The following DYM variants were observed in gnomAD, a reference collection of about 807,000 sequenced individuals.
DYM encodes the protein dymeclin, also known as dyggve-Melchior-Clausen syndrome protein.
In DYM, 78 loss-of-function variants were observed where a neutral mutation model predicts 93.1. The ratio of observed to expected loss-of-function variants is 0.84; its 90% confidence interval spans 0.70 to 1.01. The LOEUF is 1.01. Among genes scored for constraint, DYM ranks in the 50% least tolerant of loss-of-function variants. The pLI, the probability that DYM is intolerant of heterozygous loss-of-function variation, is 0.00. For synonymous variants in DYM, 321 were observed against 319.7 expected (o/e 1.00, Z -0.04); for missense variants, 789 against 845.0 (o/e 0.93, Z 0.82).
chr18:49,434,983 G>A (rs1294153252), intron 1 of DYM, among the ~76,000 whole-genome samples: 7 of 151,966 alleles, frequency 4.6e-5, no homozygotes, highest in African/African-American at 9.7e-5. Context: ...CAAGGCAGGC[G>A]GATCACTTGA....
At chr18:49,183,288 T>C (rs1182525510) in intron 14 of DYM, among the ~76,000 whole-genome samples, 1 of 152,208 alleles carries the variant, frequency 6.6e-6, no homozygotes, top group Non-Finnish European at 1.5e-5. Context: ...TTATCCTTCA[T>C]TGTGAAAATC....
chr18:49,338,314 C>CT (rs2063822593), intron 6 of DYM, among the ~76,000 whole-genome samples: 1 of 152,240 alleles, frequency 6.6e-6, no homozygotes, highest in East Asian at 1.9e-4. Context: ...ATGATCTGAA[C>CT]AGAATGACAA....
chr18:49,150,679 G>T (rs549682177), intron 15 of DYM, among the ~76,000 whole-genome samples: 2 of 152,308 alleles, frequency 1.3e-5, no homozygotes, highest in South Asian at 4.2e-4. Flanking sequence ...CCCTACAGAA[G>T]ATGGATCATT....
At chr18:49,077,099 C>G (rs941610169) in intron 17 of DYM, among the ~76,000 whole-genome samples, 1 of 152,136 alleles carries the variant, frequency 6.6e-6, no homozygotes, top group Non-Finnish European at 1.5e-5. Flanking sequence ...AATGACCAAA[C>G]TGACTGTTCC....
At chr18:49,314,694 G>A (rs904745395) in intron 8 of DYM, among the ~76,000 whole-genome samples, 3 of 151,926 alleles carry the variant, frequency 2.0e-5, no homozygotes, top group Non-Finnish European at 4.4e-5. Context: ...ATTCATTTTC[G>A]CTTTATGCAA....
rs186303310 is a variant in DYM at position 49,170,876 on chromosome 18, T to G, written c.1626-7089A>C. ...CAGAAAGGGTCACTTAAATAAGAAG[T>G]AGGAGAAGAACTAGGAAAGAAAGAC... On this transcript the variant is annotated intron_variant, in intron 14 of 17. Transcript: ENST00000675505. Among the ~76,000 whole-genome samples, 56 of 136,632 alleles carry G rather than the reference T, an allele frequency of 4.1e-4. No individual in the cohort carries two copies. The South Asian group carries it at 5.8e-3, about 14-fold the overall frequency. The allele number at this position is 136,632 out of a possible 152,430, so 89.6% of individuals were successfully genotyped here.
At chr18:49,090,716 T>C (rs2065226871) in intron 17 of DYM, among the ~76,000 whole-genome samples, 1 of 152,142 alleles carries the variant, frequency 6.6e-6, no homozygotes, top group Non-Finnish European at 1.5e-5. Flanking sequence ...TGAGAAAGGT[T>C]CAGAAATAGG....
chr18:49,244,699 CAGAAGA>C (rs759630327), intron 13 of DYM, among the ~76,000 whole-genome samples: 1 of 152,012 alleles, frequency 6.6e-6, no homozygotes, highest in Non-Finnish European at 1.5e-5. Flanking sequence ...ACCAGCTTCA[CAGAAGA>C]AGAAGAAGAA....
intron 1 of DYM, among the ~76,000 whole-genome samples, chr18:49,435,526 G>A (rs997238660): frequency 1.3e-5 from 2 of 151,936 alleles, no homozygotes; most frequent in Admixed American, 6.6e-5. Context: ...AGTGGCTCAT[G>A]CCTGTAATCC....
chr18:49,292,336 G>GCAGGCAGA (rs1568187404), intron 8 of DYM, among the ~76,000 whole-genome samples: 16 of 101,348 alleles, frequency 1.6e-4, no homozygotes, highest in African/African-American at 5.2e-4. Context: ...AGGCAGGCAG[G>GCAGGCAGA]CAGACAGACA....
intron 16 of DYM, among the ~76,000 whole-genome samples, chr18:49,104,089 A>G (rs368448156): frequency 0.023 from 3,538 of 151,928 alleles, 131 homozygotes; most frequent in African/African-American, 0.078. Flanking sequence ...TTATTTCATT[A>G]AGCAGTGGTT....
chr18:49,258,233 A>T (rs1400542644), intron 12 of DYM, 147 bp downstream of exon 12: 1 of 654,682 alleles, frequency 1.5e-6, no homozygotes, highest in Non-Finnish European at 2.8e-6. Context: ...TTACATTAGG[A>T]TCATGTAATA....
intron 15 of DYM, among the ~76,000 whole-genome samples, chr18:49,152,974 T>A (rs1041124828): frequency 1.3e-5 from 2 of 152,116 alleles, no homozygotes; most frequent in Non-Finnish European, 2.9e-5. Context: ...GGAAAGGAGA[T>A]GTTGGTCACA....
At chr18:49,324,352 T>C (rs974082688) in intron 8 of DYM, among the ~76,000 whole-genome samples, 8 of 152,118 alleles carry the variant, frequency 5.3e-5, no homozygotes, top group African/African-American at 1.4e-4. Flanking sequence ...AAATCTTTAA[T>C]TGGCAAATTT....
intron 14 of DYM, among the ~76,000 whole-genome samples, chr18:49,193,887 C>G (rs910623318): frequency 1.3e-5 from 2 of 152,166 alleles, no homozygotes; most frequent in Admixed American, 6.5e-5. Flanking sequence ...AATGTTATTT[C>G]CATTCTGTAG....
At chr18:49,264,622 GGTCTCT>G (rs1475617383) in intron 11 of DYM, among the ~76,000 whole-genome samples, 2 of 152,018 alleles carry the variant, frequency 1.3e-5, no homozygotes, top group Admixed American at 6.6e-5. Context: ...TACTGTTCCG[GGTCTCT>G]ATTCTGTTTT....
intron 2 of DYM, among the ~76,000 whole-genome samples, chr18:49,415,342 A>AAAAAAAT (rs1555734876): frequency 5.5e-5 from 8 of 144,312 alleles, no homozygotes; most frequent in East Asian, 2.1e-4. Context: ...AAAAAAAAAA[A>AAAAAAAT]TTAAAAAAAT....
chr18:49,374,519 G>A (rs1037099962), intron 5 of DYM, among the ~76,000 whole-genome samples: 10 of 152,146 alleles, frequency 6.6e-5, no homozygotes, highest in African/African-American at 2.4e-4. Context: ...AATCAAATGT[G>A]GAGTCAAAGG....
intron 1 of DYM, among the ~76,000 whole-genome samples, chr18:49,436,510 T>C (rs1006288381): frequency 6.6e-6 from 1 of 152,174 alleles, no homozygotes; most frequent in African/African-American, 2.4e-5. Flanking sequence ...TTCAAATTAT[T>C]TTTATTTGTC....
Sources: gnomAD v4.1 joint callset for allele counts (sites outside exome capture counted in the v4.1 genomes callset) on GRCh38, gnomAD v4.1.1 for gene constraint, MANE v1.5 for transcripts, NCBI Gene and HGNC (gene_info 2026-07-23, HGNC 2026-07-21) for gene names.